The following LRP1B variants were observed in gnomAD, a reference collection of about 807,000 sequenced individuals.
LRP1B encodes low-density lipoprotein receptor-related protein 1B.
Under a neutral mutation model 556.6 loss-of-function variants are expected in LRP1B, and 217 were observed. The observed-to-expected ratio is 0.39, with a 90% CI of 0.35 to 0.44. The LOEUF (loss-of-function observed/expected upper bound fraction) is 0.44, where lower values mean the gene tolerates loss of function less well. Ranked by LOEUF, LRP1B falls within the 20% of genes least tolerant of loss-of-function variation. LRP1B has a pLI of 1.00. For synonymous variants in LRP1B, 2,047 were observed against 1,865.8 expected, an observed-to-expected ratio of 1.10 and a Z score of -2.50; for missense variants, 5,053 against 5,620.8, an observed-to-expected ratio of 0.90 and a Z score of 3.23.
chr2:140,722,033 TC>T (rs1687421894), intron 35 of LRP1B, among the ~76,000 whole-genome samples: 1 of 152,116 alleles, frequency 6.6e-6, no homozygotes, highest in African/African-American at 2.4e-5. Context: ...GAGTATCTCT[TC>T]TCTTCCCCTG....
chr2:140,487,562 A>G (rs936959977), intron 58 of LRP1B, 55 bp downstream of exon 58: 9 of 1,503,314 alleles, frequency 6.0e-6, no homozygotes, highest in Admixed American at 3.6e-5. Flanking sequence ...TTTCTATACA[A>G]TTCAATCATA....
At chr2:141,991,823 A>G (rs988188386) in intron 1 of LRP1B, among the ~76,000 whole-genome samples, 1 of 152,014 alleles carries the variant, frequency 6.6e-6, no homozygotes, top group African/African-American at 2.4e-5. Flanking sequence ...TGTCCCTATT[A>G]CTTGGTTTTT....
chr2:142,098,883 CA>C (rs1451522867), intron 1 of LRP1B, among the ~76,000 whole-genome samples: 4 of 151,758 alleles, frequency 2.6e-5, no homozygotes, highest in Non-Finnish European at 5.9e-5. Context: ...TGATCATTTT[CA>C]AAAGACACAA....
chr2:141,210,173 A>G (rs1001732662), intron 6 of LRP1B, among the ~76,000 whole-genome samples: 6 of 152,124 alleles, frequency 3.9e-5, no homozygotes, highest in Admixed American at 2.6e-4. Context: ...TTTAGTTTCA[A>G]TGATAAGTTT....
At chr2:141,950,691 C>T (rs902249253) in intron 1 of LRP1B, among the ~76,000 whole-genome samples, 10 of 152,120 alleles carry the variant, frequency 6.6e-5, no homozygotes, top group Non-Finnish European at 1.2e-4. Flanking sequence ...TCTATCATGG[C>T]TTTGAATAAC....
intron 2 of LRP1B, among the ~76,000 whole-genome samples, chr2:141,501,053 A>C (rs1336256671): frequency 1.3e-5 from 2 of 152,150 alleles, no homozygotes; most frequent in Non-Finnish European, 1.5e-5. Context: ...TTCAAACAAC[A>C]AAAACATATA....
chr2:141,208,554 T>G (rs901746998), intron 6 of LRP1B, among the ~76,000 whole-genome samples: 1 of 152,000 alleles, frequency 6.6e-6, no homozygotes, highest in Non-Finnish European at 1.5e-5. Flanking sequence ...TAGCCACAGA[T>G]GCAGTAAATA....
intron 21 of LRP1B, among the ~76,000 whole-genome samples, 196 bp from the exon 22 acceptor site, chr2:140,908,273 T>C (rs1694312952): frequency 1.3e-5 from 2 of 150,896 alleles, no homozygotes; most frequent in Admixed American, 6.6e-5. Context: ...TAAAGTGCTC[T>C]TATTGTTTGA....
chr2:140,680,729 C>T (rs1685831977), intron 41 of LRP1B, among the ~76,000 whole-genome samples: 1 of 152,176 alleles, frequency 6.6e-6, no homozygotes. Flanking sequence ...TACCACATAT[C>T]TCTAGGTGTC....
At chr2:140,528,132 G>T (rs957450155) in intron 47 of LRP1B, among the ~76,000 whole-genome samples, 2 of 151,870 alleles carry the variant, frequency 1.3e-5, no homozygotes, top group Non-Finnish European at 2.9e-5. Flanking sequence ...AGACAATGAG[G>T]AGGCAAATGT....
intron 1 of LRP1B, among the ~76,000 whole-genome samples, chr2:141,892,034 A>G (rs1369891288): frequency 6.6e-6 from 1 of 152,026 alleles, no homozygotes; most frequent in Non-Finnish European, 1.5e-5. Context: ...AAAAATCATC[A>G]GTCTCGGAAA....
chr2:141,586,890 C>T (rs1475232466), intron 2 of LRP1B, among the ~76,000 whole-genome samples: 1 of 146,846 alleles, frequency 6.8e-6, no homozygotes, highest in East Asian at 2.0e-4. Context: ...TGCAGTGAGC[C>T]GAGATCGTGC....
intron 31 of LRP1B, among the ~76,000 whole-genome samples, chr2:140,820,718 C>G (rs563212315): frequency 1.3e-5 from 2 of 152,110 alleles, no homozygotes; most frequent in South Asian, 4.1e-4. Flanking sequence ...TTTTAAAGCA[C>G]TGGATTGTGT....
rs1208695514 is a variant in LRP1B at position 140,868,297 on chromosome 2, T to C, written c.4170-34A>G. On this transcript the variant is annotated intron_variant, in intron 25 of 90. Transcript: ENST00000389484. ...AAAAAAAAAAAAAGAAATAATACTA[T>C]TGTTTCAGTCATTCATTTCACAGAT... is the stretch of plus-strand genomic sequence containing the variant. 2.0e-6 allele frequency: 3 copies of C among 1,495,904 alleles called. No individual in the cohort carries two copies. The South Asian group carries it at 4.0e-5, about 20-fold the overall frequency. The allele number at this position is 1,495,904 out of a possible 1,614,324, so 92.7% of individuals were successfully genotyped here.
At chr2:141,108,485 A>T (rs1423985086) in intron 7 of LRP1B, among the ~76,000 whole-genome samples, 1 of 151,336 alleles carries the variant, frequency 6.6e-6, no homozygotes, top group Non-Finnish European at 1.5e-5. Context: ...AGTAGCTGGG[A>T]TTACAGGTGC....
At chr2:141,856,795 T>G (rs1300619423) in intron 1 of LRP1B, among the ~76,000 whole-genome samples, 1 of 152,110 alleles carries the variant, frequency 6.6e-6, no homozygotes, top group African/African-American at 2.4e-5. Flanking sequence ...GAAAATCAGA[T>G]CTCGCTCCCC....
At chr2:140,297,327 CAT>C (rs549524878) in intron 84 of LRP1B, among the ~76,000 whole-genome samples, 83 of 152,194 alleles carry the variant, frequency 5.5e-4, no homozygotes, top group African/African-American at 1.5e-3. Flanking sequence ...GAAGGTGTGA[CAT>C]AGACATCTAG....
At chr2:141,058,168 T>C (rs530191593) in intron 9 of LRP1B, among the ~76,000 whole-genome samples, 1 of 151,988 alleles carries the variant, frequency 6.6e-6, no homozygotes, top group African/African-American at 2.4e-5. Context: ...AATAAGGCCA[T>C]CTACAGAATT....
intron 41 of LRP1B, among the ~76,000 whole-genome samples, chr2:140,692,201 C>A (rs1686269241): frequency 6.6e-6 from 1 of 151,996 alleles, no homozygotes; most frequent in South Asian, 2.1e-4. Context: ...ATTTCAAAAA[C>A]AATATGTTGT....
Sources: gnomAD v4.1 joint callset for allele counts (sites outside exome capture counted in the v4.1 genomes callset) on GRCh38, gnomAD v4.1.1 for gene constraint, MANE v1.5 for transcripts, NCBI Gene and HGNC (gene_info 2026-07-23, HGNC 2026-07-21) for gene names.